LY75: variants seen among roughly 807,000 people sequenced by gnomAD.
LY75 encodes lymphocyte antigen 75.
LY75 carries 185 observed loss-of-function variants against 231.7 expected under a neutral mutation model. The ratio of observed to expected loss-of-function variants is 0.80; its 90% CI spans 0.71 to 0.90. The LOEUF (loss-of-function observed/expected upper bound fraction) is 0.90, where lower values mean the gene tolerates loss of function less well. LY75 is among the 40% of genes least tolerant of loss of function. LY75 has a pLI of 0.00. For synonymous variants in LY75, 668 were observed against 689.0 expected (o/e 0.97, Z 0.48); for missense variants, 1,947 against 2,050.2 (o/e 0.95, Z 0.97).
intron 10 of LY75, 60 bp from the exon 11 acceptor site, chr2:159,878,553 C>T: frequency 1.2e-6 from 2 of 1,611,542 alleles, no homozygotes; most frequent in South Asian, 1.1e-5. Flanking sequence ...TTTGAAGATG[C>T]ACCTTTTACT....
At chr2:159,849,828 A>G (rs1684327489) in intron 23 of LY75, 152 bp downstream of exon 23, 1 of 1,034,408 alleles carries the variant, frequency 9.7e-7, no homozygotes, top group Non-Finnish European at 1.3e-6. Flanking sequence ...GCCTCTAGCA[A>G]TCACTAACCT....
chr2:159,838,936 C>G (rs1683920375), intron 25 of LY75, among the ~76,000 whole-genome samples: 1 of 152,074 alleles, frequency 6.6e-6, no homozygotes, highest in South Asian at 2.1e-4. Flanking sequence ...GCTGGGGTTA[C>G]AGACGCCCGC....
intron 21 of LY75, 92 bp downstream of exon 21, chr2:159,852,109 A>G: frequency 1.3e-6 from 2 of 1,510,698 alleles, no homozygotes; most frequent in Non-Finnish European, 1.8e-6. Context: ...TATTTCAGTG[A>G]TGTTGTCACT....
chr2:159,896,449 G>A (rs1685911934), intron 2 of LY75, among the ~76,000 whole-genome samples: 1 of 152,178 alleles, frequency 6.6e-6, no homozygotes, highest in African/African-American at 2.4e-5. Context: ...AAAGAAAGAA[G>A]CTATGTTTGG....
Position 159,872,456 on chromosome 2 carries a change from C to T in LY75, c.2112G>A (p.Gln704=). 6.2e-7 allele frequency: 1 copy of T among 1,613,540 alleles called. No homozygotes were observed. Among genetic ancestry groups the T allele is most frequent in the Non-Finnish European group, 8.5e-7 (1 of 1,179,744 alleles). The change falls in exon 13 of 35, where the codon CAG becomes CAA. Residue 704 remains glutamine, a synonymous_variant. Transcript: ENST00000263636. Reference sequence around the variant, plus strand: ...TCTCATTCTTAAAGTATTACCTGAACTGGTCCGTTAAAAAGTGAAGAAATT... The same window carrying T: ...TCTCATTCTTAAAGTATTACCTGAATTGGTCCGTTAAAAAGTGAAGAAATT... ...IKEFLHFLTD[Q]FSGQHWLWIG...
chr2:159,889,380 C>A (rs1685685154), intron 4 of LY75, among the ~76,000 whole-genome samples: 1 of 152,056 alleles, frequency 6.6e-6, no homozygotes, highest in Non-Finnish European at 1.5e-5. Flanking sequence ...AGGCACATGC[C>A]AACAGCCAAT....
rs1345016450 is a variant in LY75, at chr2:159,904,640, G to A, written c.43C>T (p.Leu15Phe). ...WATPRRPAGL[L>F]MLLFWFFDLA... is the part of the protein sequence containing the mutation. ...TCGAAGAACCAGAAGAGCAGCATGAGGAGCCCCGCCGGGCGGCGAGGGGTC... is the reference window on the plus strand; with the variant it reads ...TCGAAGAACCAGAAGAGCAGCATGAAGAGCCCCGCCGGGCGGCGAGGGGTC... The change falls in exon 1 of 35, where the codon CTC becomes TTC. Residue 15 changes from leucine to phenylalanine, a missense_variant. Physicochemically the swap from Leu to Phe is conservative, Grantham distance 22. Transcript: ENST00000263636. 2.7e-6 allele frequency: 4 copies of A among 1,498,996 alleles called. No individual in the cohort carries two copies. Among genetic ancestry groups the A allele is most frequent in the East Asian group, 2.9e-5 (1 of 34,900 alleles). 92.9% of individuals were successfully genotyped at this position (1,498,996 alleles called of 1,614,324 possible).
intron 1 of LY75, 102 bp downstream of exon 1, chr2:159,904,487 G>T (rs902052697): frequency 1.6e-6 from 2 of 1,285,936 alleles, no homozygotes; most frequent in East Asian, 6.3e-5. Flanking sequence ...CAAAGCAGCC[G>T]TGACCTGCCC....
intron 33 of LY75, chr2:159,807,782 T>A: frequency 2.1e-6 from 2 of 945,744 alleles, no homozygotes; most frequent in Non-Finnish European, 2.5e-6. Flanking sequence ...TGAAAAACCT[T>A]ATCTTCTGTC....
intron 27 of LY75, among the ~76,000 whole-genome samples, chr2:159,833,692 G>C (rs1022493564): frequency 6.6e-6 from 1 of 152,232 alleles, no homozygotes; most frequent in East Asian, 1.9e-4. Context: ...TGGTTTGGCT[G>C]TTTCCCCATC....
At position 159,840,865 on chromosome 2, in the gene LY75, C is replaced by A. The variant is rs778613438; in HGVS notation, c.3371G>T (p.Trp1124Leu). 1.9e-6 allele frequency: 3 copies of A among 1,613,868 alleles called. No homozygotes were observed. Among genetic ancestry groups the A allele is most frequent in the Non-Finnish European group, 1.7e-6 (2 of 1,179,966 alleles). The change falls in exon 25 of 35, where the codon TGG (tryptophan) becomes TTG (leucine). Residue 1124 changes from tryptophan to leucine, a missense_variant. By Grantham distance (61) the Trp-to-Leu change is moderately conservative (BLOSUM62 -2). Transcript: ENST00000263636. ...LYKIIPKTLT[W>L]HSAKRECLKS... ...CAGACACTCCCTTTTAGCACTGTGC[C>A]AAGTCAGAGTCTTTGGGATTATTTT...
At chr2:159,811,503 C>T (rs1371544424) in intron 31 of LY75, among the ~76,000 whole-genome samples, 2 of 152,206 alleles carry the variant, frequency 1.3e-5, no homozygotes, top group East Asian at 1.9e-4. Context: ...TGCGGTACAG[C>T]TTATCTGAAT....
Position 159,810,512 on chromosome 2 carries a change from A to G in LY75, c.4699+14T>C. ...ATTATTGAGTCATAAGAAAATCAAC[A>G]AATTTTAACTCACCATGTTTTGAAC... is the stretch of plus-strand genomic sequence containing the variant. On this transcript the variant is annotated intron_variant, in intron 32 of 34. Transcript: ENST00000263636. 6.2e-7 allele frequency: 1 copy of G among 1,603,500 alleles called. No individual in the cohort carries two copies. The highest frequency in any genetic ancestry group is 8.5e-7 in the Non-Finnish European group (1 of 1,177,044).
intron 1 of LY75, 160 bp from the exon 2 acceptor site, chr2:159,899,219 C>G (rs1013255430): frequency 1.2e-6 from 1 of 861,576 alleles, no homozygotes; most frequent in Middle Eastern, 5.9e-4. Flanking sequence ...CAGTGGTGAG[C>G]AGAGAGGCAG....
intron 12 of LY75, 97 bp downstream of exon 12, chr2:159,875,347 A>C (rs1020613817): frequency 2.8e-5 from 42 of 1,494,876 alleles, no homozygotes; most frequent in Non-Finnish European, 3.7e-5. Context: ...GTTAGGTTAC[A>C]TAGTACTATG....
chr2:159,840,005 C>CAAAA (rs10671183), intron 25 of LY75, among the ~76,000 whole-genome samples: 16 of 58,920 alleles, frequency 2.7e-4, no homozygotes, highest in Admixed American at 5.8e-4. Flanking sequence ...GAACCTGTCT[C>CAAAA]AAAAAAAAAA....
At chr2:159,855,516 T>C (rs1001501866) in intron 16 of LY75, among the ~76,000 whole-genome samples, 1 of 152,136 alleles carries the variant, frequency 6.6e-6, no homozygotes, top group Non-Finnish European at 1.5e-5. Flanking sequence ...GATTCCCAGA[T>C]GGAAACGGAG....
rs757840796 is a variant in LY75, at chr2:159,890,328, G to A, written c.687C>T (p.Cys229=). 3.3e-5 allele frequency: 54 copies of A among 1,613,308 alleles called. No homozygotes were observed. The highest frequency in any genetic ancestry group is 4.4e-5 in the Non-Finnish European group (52 of 1,179,666). Reference sequence around the variant, plus strand: ...GAGCCGTCTGAGTATTAAATTGGTAGCAACTTCCAAACTGCTCGTTCTTTT... The same window carrying A: ...GAGCCGTCTGAGTATTAAATTGGTAACAACTTCCAAACTGCTCGTTCTTTT... The part of the protein sequence containing the change: ...NWEKNEQFGS[C]YQFNTQTALS... The change falls in exon 4 of 35, where the codon TGC becomes TGT. Residue 229 remains cysteine, a synonymous_variant. Coordinates refer to ENST00000263636, the MANE Select transcript of LY75 (RefSeq NM_002349.4).
At chr2:159,866,256 G>C (rs1298215959) in intron 13 of LY75, among the ~76,000 whole-genome samples, 2 of 152,000 alleles carry the variant, frequency 1.3e-5, no homozygotes, top group East Asian at 3.9e-4. Context: ...TGAATCAAAG[G>C]CTGAAACAAA....
Sources: allele counts gnomAD v4.1 joint callset (sites outside exome capture counted in the v4.1 genomes callset), GRCh38; gene constraint gnomAD v4.1.1; transcripts MANE v1.5; gene names NCBI Gene and HGNC (gene_info 2026-07-23, HGNC 2026-07-21).